Variants in COMMD4 observed in about 807,000 individuals in gnomAD.
The protein encoded by COMMD4 is COMM domain-containing protein 4.
A neutral mutation model predicts 27.5 loss-of-function variants in COMMD4; 18 were observed. The observed-to-expected ratio is 0.65, with a 90% CI of 0.45 to 0.97. COMMD4 has a LOEUF of 0.97. COMMD4 is among the 50% of genes least tolerant of loss of function. The probability of loss-of-function intolerance (pLI) is 0.00; values close to 1 mark genes in which losing one functional copy is unlikely to be tolerated. For synonymous variants in COMMD4, 108 were observed against 108.4 expected (o/e 1.00, Z 0.02); for missense variants, 243 against 250.0 (o/e 0.97, Z 0.19).
intron 3 of COMMD4, 49 bp downstream of exon 3, chr15:75,338,469 A>C (rs894956625): frequency 6.2e-7 from 1 of 1,603,564 alleles, no homozygotes; most frequent in Non-Finnish European, 8.5e-7. Flanking sequence ...TATGACCACC[A>C]CTGCCCTGAA....
rs150661875 is a variant in COMMD4 at position 75,339,381 on chromosome 15, A to G, written c.382+37A>G. On this transcript the variant is annotated intron_variant, in intron 6 of 7. Transcript: ENST00000267935. ...GCCAGCCAGGGTCCGGGCTCATTCT[A>G]GAAGGTGCACGCAGCACACAAAGTG... 4,169 of 1,602,806 alleles carry G rather than the reference A, an allele frequency of 2.6e-3. 10 individuals carry two copies. Among genetic ancestry groups the G allele is most frequent in the Non-Finnish European group, 3.3e-3 (3,899 of 1,175,506 alleles).
downstream of COMMD4, chr15:75,342,674 C>T (rs991680056): frequency 6.6e-6 from 1 of 152,150 alleles, no homozygotes; most frequent in Non-Finnish European, 1.5e-5. Flanking sequence ...GGAGTACATT[C>T]TGGTGATTTA....
At position 75,339,843 on chromosome 15, in the gene COMMD4, C is replaced by G. The variant is rs201219073; in HGVS notation, c.524C>G (p.Ser175Cys). Residue 175 changes from serine to cysteine, a missense_variant, in exon 7 of 8, where the codon TCC (serine) becomes TGC (cysteine). Transcript: ENST00000267935. ...PGTPAQPVAM[S>C]LSADKFQVLL... ...ACCCCAGCCCAGCCTGTTGCCATGTCCCTCTCAGCAGACAAGTTCCAGGTC... is the reference window on the plus strand; with the variant it reads ...ACCCCAGCCCAGCCTGTTGCCATGTGCCTCTCAGCAGACAAGTTCCAGGTC... 70 of 1,613,752 alleles carry G rather than the reference C, an allele frequency of 4.3e-5. No homozygotes were observed. In the East Asian group the frequency reaches 1.4e-3, roughly 33 times the overall value.
At chr15:75,338,963 G>T (rs1379916018) in intron 4 of COMMD4, 22 bp from the exon 5 acceptor site, 2 of 1,613,742 alleles carry the variant, frequency 1.2e-6, no homozygotes, top group Non-Finnish European at 1.7e-6. Context: ...GACACCCCCT[G>T]CCCCACCCAC....
chr15:75,342,535 C>CA (rs889205220), downstream of COMMD4: 139 of 141,350 alleles, frequency 9.8e-4, 3 homozygotes, highest in Middle Eastern at 3.6e-3. Context: ...GACCCTGTCT[C>CA]AAAAAAAAAA....
chr15:75,340,148 C>A lies in COMMD4; in HGVS notation c.*143C>A. On this transcript the variant is annotated 3_prime_UTR_variant, in exon 8 of 8. Transcript: ENST00000267935. ...TGGCCTCCCAGATCCCCAGCTGCCT[C>A]ACTTCTCTCTTGAGAACTTGGCTCA... 1 of 933,612 alleles carries A rather than the reference C, an allele frequency of 1.1e-6. No homozygotes were observed. The highest frequency in any genetic ancestry group is 1.6e-6 in the Non-Finnish European group (1 of 627,744). 57.8% of individuals were successfully genotyped at this position (933,612 alleles called of 1,614,324 possible).
In COMMD4 at chr15:75,336,088, C is replaced by G. The variant is rs1215874652; in HGVS notation, c.-2C>G. Reference sequence around the variant, plus strand: ...ATTCCCGGGCCCTGGCTTCTTGGCGCGATGGTGAGGCACTAGGGGCGAAGC... The same window carrying G: ...ATTCCCGGGCCCTGGCTTCTTGGCGGGATGGTGAGGCACTAGGGGCGAAGC... On this transcript the variant is annotated 5_prime_UTR_variant, in exon 1 of 8. Coordinates refer to ENST00000267935, the MANE Select transcript of COMMD4 (RefSeq NM_017828.5). 2 of 1,549,714 alleles carry G rather than the reference C, an allele frequency of 1.3e-6. No homozygotes were observed. The highest frequency in any genetic ancestry group is 1.2e-5 in the South Asian group (1 of 83,976).
rs891417854 is a variant in COMMD4 at position 75,336,086 on chromosome 15, C to A, written c.-4C>A. The A allele has an allele frequency of 1.5e-5, 23 of 1,549,592 alleles. No homozygotes were observed. The East Asian group carries it at 2.9e-4, about 20-fold the overall frequency. Reference sequence around the variant, plus strand: ...AAATTCCCGGGCCCTGGCTTCTTGGCGCGATGGTGAGGCACTAGGGGCGAA... The same window carrying A: ...AAATTCCCGGGCCCTGGCTTCTTGGAGCGATGGTGAGGCACTAGGGGCGAA... On this transcript the variant is annotated 5_prime_UTR_variant, in exon 1 of 8. Coordinates refer to ENST00000267935, the MANE Select transcript of COMMD4 (RefSeq NM_017828.5).
chr15:75,339,178 C>T lies in COMMD4; in HGVS notation c.301+74C>T, dbSNP rs1172948683. The T allele has an allele frequency of 2.5e-6, 4 of 1,611,998 alleles. No homozygotes were observed. The East Asian group carries it at 8.9e-5, about 36-fold the overall frequency. On this transcript the variant is annotated intron_variant, in intron 5 of 7. Coordinates refer to ENST00000267935, the MANE Select transcript of COMMD4 (RefSeq NM_017828.5). ...TAGAGAAGGGGACAGGCCCTGTGAC[C>T]CTGAGGTGTACCTGCCCTGTCTGGG...
intron 5 of COMMD4, 51 bp from the exon 6 acceptor site, chr15:75,339,213 C>G (rs376251396): frequency 1.2e-6 from 2 of 1,611,912 alleles, no homozygotes; most frequent in African/African-American, 2.7e-5. Flanking sequence ...GCCAGGAGCC[C>G]AAGCCAGGCC....
chr15:75,341,866 C>T (rs904803208), downstream of COMMD4: 1 of 151,156 alleles, frequency 6.6e-6, no homozygotes, highest in African/African-American at 2.4e-5. Flanking sequence ...GACCTTGCAA[C>T]TGGCCTGAGC....
In COMMD4 at chr15:75,336,132, G is replaced by C. The variant is rs1211655487; in HGVS notation, c.3+40G>C. 3.2e-6 allele frequency: 5 copies of C among 1,549,670 alleles called. No individual in the cohort carries two copies. The Admixed American group carries it at 9.8e-5, about 30-fold the overall frequency. On this transcript the variant is annotated intron_variant, in intron 1 of 7. Transcript: ENST00000267935. ...GCGAAGCGAGGCTTGGGCTGCTGGA[G>C]CGGGAATGAGGGGGCGCCAAGTGGC...
Position 75,339,709 on chromosome 15 carries a change from G to A in COMMD4, c.390G>A (p.Arg130=). ...HLRVCSLRMN[R]LAGVGWRVDY... ...ACCCACCCCATCTCACAGTGAATAG[G>A]TTGGCAGGTGTGGGCTGGCGGGTGG... Residue 130 remains arginine, a synonymous_variant, in exon 7 of 8, where the codon AGG becomes AGA. Transcript: ENST00000267935. 1.3e-6 allele frequency: 2 copies of A among 1,594,732 alleles called. No homozygotes were observed. The highest frequency in any genetic ancestry group is 1.7e-6 in the Non-Finnish European group (2 of 1,169,276).
chr15:75,338,943 G>A, intron 4 of COMMD4, 42 bp from the exon 5 acceptor site: 1 of 1,613,642 alleles, frequency 6.2e-7, no homozygotes, highest in Non-Finnish European at 8.5e-7. Context: ...GAGGTGGCTG[G>A]ACCCACAGTG....
intron 4 of COMMD4, 82 bp from the exon 5 acceptor site, chr15:75,338,903 G>T: frequency 6.2e-7 from 1 of 1,610,142 alleles, no homozygotes; most frequent in Non-Finnish European, 8.5e-7. Flanking sequence ...AGGCCTGGGG[G>T]CTTTGAGCTA....
downstream of COMMD4, chr15:75,340,274 T>C: frequency 3.7e-6 from 2 of 542,836 alleles, no homozygotes; most frequent in East Asian, 6.0e-5. Flanking sequence ...TATAAAGGAA[T>C]GTGTGCAGGG....
At position 75,338,697 on chromosome 15, in the gene COMMD4, G is replaced by A. The variant is rs763308867; in HGVS notation, c.181+12G>A. The A allele has an allele frequency of 4.8e-5, 77 of 1,612,554 alleles. No homozygotes were observed. The highest frequency in any genetic ancestry group is 3.3e-4 in the African/African-American group (25 of 74,860). On this transcript the variant is annotated intron_variant, in intron 4 of 7. Coordinates refer to ENST00000267935, the MANE Select transcript of COMMD4 (RefSeq NM_017828.5). The stretch of plus-strand genomic sequence containing the variant: ...TGACGCCAAGTTTGGTGAGTATCCC[G>A]CTGAGTCTATAGGCCCCAGGCAACC...
chr15:75,339,759 T>C lies in COMMD4; in HGVS notation c.440T>C (p.Leu147Pro). ...RVDYTLSSSLLQSVEEPMVHL... is the reference protein window; with the variant it reads ...RVDYTLSSSLPQSVEEPMVHL... ...GACTACACCCTGAGCTCCAGCCTGC[T>C]GCAATCCGTGGAAGAGCCCATGGTG... Residue 147 changes from leucine (L) to proline (P), a missense_variant, in exon 7 of 8, where the codon CTG (leucine) becomes CCG (proline). Physicochemically the swap from Leu to Pro is moderately conservative, Grantham distance 98 (BLOSUM62 -3). Coordinates refer to ENST00000267935, the MANE Select transcript of COMMD4 (RefSeq NM_017828.5). 1.2e-6 allele frequency: 2 copies of C among 1,613,910 alleles called. No individual in the cohort carries two copies. The highest frequency in any genetic ancestry group is 1.7e-6 in the Non-Finnish European group (2 of 1,179,888).
rs1441643498 is a variant in COMMD4, at chr15:75,338,419, A to G, written c.140A>G (p.Asp47Gly). ...VLKELLGQGI[D>G]YEKILKLTAD... is the part of the protein sequence containing the mutation. ...AAGGAGCTGCTGGGACAGGGGATTG[A>G]TGTGAGTACAAGATCCAGCACCCCA... Residue 47 changes from aspartate to glycine, a missense_variant and splice_region_variant, in exon 3 of 8, where the codon GAT becomes GGT. Physicochemically the swap from Asp to Gly is moderately conservative, Grantham distance 94. Transcript: ENST00000267935. The G allele has an allele frequency of 6.2e-7, 1 of 1,604,330 alleles. No individual in the cohort carries two copies. The highest frequency in any genetic ancestry group is 1.3e-5 in the African/African-American group (1 of 74,774).
Sources: gnomAD v4.1 joint callset for allele counts on GRCh38, gnomAD v4.1.1 for gene constraint, MANE v1.5 for transcripts, NCBI Gene and HGNC (gene_info 2026-07-23, HGNC 2026-07-21) for gene names.